The following NTM variants were observed in gnomAD, a reference collection of about 807,000 sequenced individuals.
The protein encoded by NTM is IgLON family member 2.
A neutral mutation model predicts 42.1 loss-of-function variants in NTM; 13 were observed. The observed-to-expected ratio is 0.31, with a 90% confidence interval of 0.20 to 0.49. The LOEUF is 0.49. NTM is among the 20% of genes least tolerant of loss of function. The probability of loss-of-function intolerance (pLI) is 0.99; values close to 1 mark genes in which losing one functional copy is unlikely to be tolerated. For missense variants in NTM, 373 were observed against 452.8 expected (o/e 0.82, Z 1.60); for synonymous variants, 187 against 179.2 (o/e 1.04, Z -0.35).
intron 1 of NTM, among the ~76,000 whole-genome samples, chr11:131,706,438 T>A (rs750683764): frequency 1.3e-5 from 2 of 151,606 alleles, no homozygotes; most frequent in East Asian, 1.9e-4. Context: ...GACAGAAAAA[T>A]CAATAAGGAA....
chr11:131,794,862 G>A (rs944979283), intron 1 of NTM: 3 of 985,322 alleles, frequency 3.0e-6, no homozygotes, highest in Non-Finnish European at 3.6e-6. Flanking sequence ...ATAGGTAACG[G>A]CCTCCACAGA....
At chr11:131,401,112 T>C (rs1945087922) in intron 1 of NTM, among the ~76,000 whole-genome samples, 1 of 150,812 alleles carries the variant, frequency 6.6e-6, no homozygotes, top group Admixed American at 6.6e-5. Flanking sequence ...AAGCAAGAGA[T>C]AGATCAAAAC....
chr11:131,820,406 T>C lies in NTM; in HGVS notation c.83-91158T>C, dbSNP rs182237398. Among the ~76,000 whole-genome samples, 321 of 152,356 alleles carry C rather than the reference T, an allele frequency of 2.1e-3. 1 individual carries two copies. The highest frequency in any genetic ancestry group is 6.5e-3 in the Admixed American group (99 of 15,310). ...TCACGCATTCCCATATCACCACTAGTTGGTGTTTCTGTGTTTCCATGCTTG... is the reference window on the plus strand; with the variant it reads ...TCACGCATTCCCATATCACCACTAGCTGGTGTTTCTGTGTTTCCATGCTTG... On this transcript the variant is annotated intron_variant, in intron 1 of 8. Coordinates refer to ENST00000683400, the MANE Select transcript of NTM (RefSeq NM_001352005.2).
rs144081797 is a variant in NTM, at chr11:132,010,307, A to T, written c.167+98659A>T. 2.0e-5 allele frequency among the ~76,000 whole-genome samples: 3 copies of T among 152,348 alleles called. No individual in the cohort carries two copies. The East Asian group carries it at 5.8e-4, about 29-fold the overall frequency. On this transcript the variant is annotated intron_variant, in intron 2 of 8. Transcript: ENST00000683400. ...GCCCCAGCTTTTAGCTCACCTTGGTAACTCCGATGGTGGAGAAGACAAGGA... is the reference window on the plus strand; with the variant it reads ...GCCCCAGCTTTTAGCTCACCTTGGTTACTCCGATGGTGGAGAAGACAAGGA...
chr11:132,238,960 A>C (rs2089646099), intron 4 of NTM, among the ~76,000 whole-genome samples: 1 of 152,198 alleles, frequency 6.6e-6, no homozygotes, highest in South Asian at 2.1e-4. Context: ...CAGTCTAATA[A>C]AACAGCAGCA....
chr11:131,372,170 G>A (rs1176094247), intron 1 of NTM, among the ~76,000 whole-genome samples: 1 of 152,116 alleles, frequency 6.6e-6, no homozygotes, highest in Non-Finnish European at 1.5e-5. Flanking sequence ...AGAGAGACCA[G>A]GCTGGAAGGA....
chr11:131,552,521 A>G (rs2054826676), intron 1 of NTM, among the ~76,000 whole-genome samples: 1 of 151,264 alleles, frequency 6.6e-6, no homozygotes, highest in Non-Finnish European at 1.5e-5. Flanking sequence ...AAAAAAAAAA[A>G]ATACCCTCAA....
intron 1 of NTM, among the ~76,000 whole-genome samples, chr11:131,800,876 C>A (rs2092049322): frequency 6.6e-6 from 1 of 152,126 alleles, no homozygotes; most frequent in African/African-American, 2.4e-5. Context: ...GAAATTGTCC[C>A]CTTTAATGGA....
At chr11:131,665,834 G>A (rs1429509918) in intron 1 of NTM, among the ~76,000 whole-genome samples, 1 of 152,196 alleles carries the variant, frequency 6.6e-6, no homozygotes, top group Non-Finnish European at 1.5e-5. Context: ...TATTTTGCCT[G>A]ACTTTTGTCA....
At chr11:131,582,557 A>ATTTT (rs55675738) in intron 1 of NTM, among the ~76,000 whole-genome samples, 1 of 151,126 alleles carries the variant, frequency 6.6e-6, no homozygotes, top group South Asian at 2.1e-4. Flanking sequence ...TGCTTTGTTA[A>ATTTT]TTTTTTTTAA....
At chr11:132,125,371 T>TGTGTGTG (rs113928199) in intron 2 of NTM, among the ~76,000 whole-genome samples, 87,310 of 148,130 alleles carry the variant, frequency 0.59, 25,767 homozygotes, top group African/African-American at 0.63. Context: ...GTGTATGATG[T>TGTGTGTG]GTGTGTGGTG....
At chr11:131,375,439 G>A (rs971663324) in intron 1 of NTM, among the ~76,000 whole-genome samples, 8 of 152,292 alleles carry the variant, frequency 5.3e-5, no homozygotes, top group Admixed American at 2.0e-4. Context: ...TAAAGAAGTC[G>A]ATGGCATACA....
At chr11:131,956,877 G>A (rs577664464) in intron 2 of NTM, among the ~76,000 whole-genome samples, 1 of 152,232 alleles carries the variant, frequency 6.6e-6, no homozygotes, top group South Asian at 2.1e-4. Context: ...AGGACTGGAA[G>A]CAAAACTCTC....
chr11:131,964,105 G>A (rs983966218), intron 2 of NTM, among the ~76,000 whole-genome samples: 1 of 152,132 alleles, frequency 6.6e-6, no homozygotes, highest in Non-Finnish European at 1.5e-5. Context: ...CCAGACCAAA[G>A]GGCTGCCCAG....
At chr11:132,319,941 C>A (rs1437568609) in intron 7 of NTM, among the ~76,000 whole-genome samples, 1 of 152,224 alleles carries the variant, frequency 6.6e-6, no homozygotes, top group Admixed American at 6.5e-5. Flanking sequence ...AATCAGGCAG[C>A]AGCATCAGTG....
At chr11:131,970,002 C>T (rs1259976000) in intron 2 of NTM, among the ~76,000 whole-genome samples, 2 of 152,198 alleles carry the variant, frequency 1.3e-5, no homozygotes, top group African/African-American at 4.8e-5. Flanking sequence ...ATGGACATGA[C>T]GTCTCACTGT....
At chr11:131,920,461 A>G (rs1167491658) in intron 2 of NTM, among the ~76,000 whole-genome samples, 1 of 152,244 alleles carries the variant, frequency 6.6e-6, no homozygotes, top group Non-Finnish European at 1.5e-5. Flanking sequence ...TGATCTCAGC[A>G]TTCACTGATG....
At position 131,391,864 on chromosome 11, in the gene NTM, C is replaced by T. The variant is rs145400459; in HGVS notation, c.82+20976C>T. On this transcript the variant is annotated intron_variant, in intron 1 of 8. Coordinates refer to ENST00000683400, the MANE Select transcript of NTM (RefSeq NM_001352005.2). Reference sequence around the variant, plus strand: ...AGGGTCCAAGCCAGGGAGGGAGTAGCGGGGAGTGGAGGAGGAAAGAAGGCT... The same window carrying T: ...AGGGTCCAAGCCAGGGAGGGAGTAGTGGGGAGTGGAGGAGGAAAGAAGGCT... Among the ~76,000 whole-genome samples, 648 of 151,658 alleles carry T rather than the reference C, an allele frequency of 4.3e-3. 8 individuals carry two copies. The highest frequency in any genetic ancestry group is 0.015 in the African/African-American group (603 of 41,344).
At chr11:131,924,082 G>A (rs572068759) in intron 2 of NTM, among the ~76,000 whole-genome samples, 21 of 152,348 alleles carry the variant, frequency 1.4e-4, no homozygotes, top group Admixed American at 5.2e-4. Context: ...GTGGGCAGAG[G>A]GCAGGGTGTA....
Sources: gnomAD v4.1 joint callset for allele counts (sites outside exome capture counted in the v4.1 genomes callset) on GRCh38, gnomAD v4.1.1 for gene constraint, MANE v1.5 for transcripts, NCBI Gene and HGNC (gene_info 2026-07-23, HGNC 2026-07-21) for gene names.